Variants in AKT3 observed in about 807,000 individuals in gnomAD.
The protein encoded by AKT3 is AKT serine/threonine kinase 3.
In AKT3, 15 loss-of-function variants were observed where a neutral mutation model predicts 65.3. The observed-to-expected ratio is 0.23, with a 90% CI of 0.15 to 0.35. The LOEUF is 0.35. AKT3 is among the 10% of genes least tolerant of loss of function. AKT3 has a pLI of 1.00. For synonymous variants in AKT3, 206 were observed against 183.8 expected, an observed-to-expected ratio of 1.12 and a Z score of -0.98; for missense variants, 243 against 576.5, an observed-to-expected ratio of 0.42 and a Z score of 5.92.
At chr1:243,505,915 T>G (rs1366279716) in intron 13 of AKT3, among the ~76,000 whole-genome samples, 2 of 152,242 alleles carry the variant, frequency 1.3e-5, no homozygotes, top group Non-Finnish European at 2.9e-5. Context: ...TGTCAACATC[T>G]GAGTCCTAGC....
At chr1:243,652,888 C>T (rs567358842) in intron 4 of AKT3, among the ~76,000 whole-genome samples, 1 of 150,784 alleles carries the variant, frequency 6.6e-6, no homozygotes, top group South Asian at 2.1e-4. Context: ...GTAAAGGGAT[C>T]GATGCAACAA....
chr1:243,542,036 C>A (rs1672355357), intron 12 of AKT3, among the ~76,000 whole-genome samples: 1 of 152,088 alleles, frequency 6.6e-6, no homozygotes, highest in Admixed American at 6.5e-5. Context: ...AAATTAAAGA[C>A]CACCTAAATA....
intron 4 of AKT3, among the ~76,000 whole-genome samples, chr1:243,664,201 T>C (rs1682604132): frequency 7.6e-6 from 1 of 131,342 alleles, no homozygotes; most frequent in African/African-American, 2.9e-5. Context: ...TTTTTTTTTT[T>C]TTTTTTTTTT....
intron 1 of AKT3, among the ~76,000 whole-genome samples, chr1:243,846,770 T>A (rs1200035012): frequency 6.6e-6 from 1 of 152,190 alleles, no homozygotes; most frequent in African/African-American, 2.4e-5. Context: ...TTAACTGTAA[T>A]AATAGGTACA....
At chr1:243,816,961 C>T (rs1426449452) in intron 2 of AKT3, among the ~76,000 whole-genome samples, 3 of 152,084 alleles carry the variant, frequency 2.0e-5, no homozygotes, top group East Asian at 1.9e-4. Context: ...ACTTGTTGCA[C>T]GAGTAAAATG....
At chr1:243,647,196 CCA>C (rs1680886635) in intron 4 of AKT3, among the ~76,000 whole-genome samples, 1 of 152,202 alleles carries the variant, frequency 6.6e-6, no homozygotes, top group South Asian at 2.1e-4. Flanking sequence ...CAATCATGCA[CCA>C]CATAACAATG....
At chr1:243,511,845 T>C (rs1279436655) in intron 13 of AKT3, among the ~76,000 whole-genome samples, 2 of 152,226 alleles carry the variant, frequency 1.3e-5, no homozygotes, top group African/African-American at 4.8e-5. Flanking sequence ...GCAAACTAAA[T>C]TATGTCTTCA....
chr1:243,514,503 C>G (rs1367106179), intron 12 of AKT3, among the ~76,000 whole-genome samples: 1 of 152,118 alleles, frequency 6.6e-6, no homozygotes, highest in African/African-American at 2.4e-5. Flanking sequence ...CAAGACTTTG[C>G]GACATCTGAT....
At chr1:243,716,502 A>G (rs939548853) in intron 2 of AKT3, among the ~76,000 whole-genome samples, 4 of 152,192 alleles carry the variant, frequency 2.6e-5, no homozygotes, top group Non-Finnish European at 4.4e-5. Context: ...CTATTGATAC[A>G]CTAACAATGA....
intron 12 of AKT3, among the ~76,000 whole-genome samples, chr1:243,532,056 A>G (rs1671570806): frequency 6.6e-6 from 1 of 152,184 alleles, no homozygotes; most frequent in East Asian, 1.9e-4. Flanking sequence ...CATGTCACCT[A>G]TTAGTAGGGG....
intron 8 of AKT3, among the ~76,000 whole-genome samples, chr1:243,583,164 G>GTATATATATA (rs1383107055): frequency 7.2e-4 from 54 of 74,880 alleles, no homozygotes; most frequent in African/African-American, 2.2e-3. Context: ...CCATGTATAT[G>GTATATATATA]TGTGTGTATA....
At chr1:243,746,364 C>T (rs911937246) in intron 2 of AKT3, among the ~76,000 whole-genome samples, 3 of 152,124 alleles carry the variant, frequency 2.0e-5, no homozygotes, top group African/African-American at 7.2e-5. Context: ...ATGAGCTAAA[C>T]ATGCTTTATC....
Position 243,502,378 on chromosome 1 carries a change from T to C in AKT3, c.*2871A>G, listed in dbSNP as rs1377875470. The C allele has an allele frequency of 2.1e-5, 5 of 232,930 alleles. No homozygotes were observed. The highest frequency in any genetic ancestry group is 1.1e-4 in the Admixed American group (2 of 17,776). 14.4% of individuals were successfully genotyped at this position (232,930 alleles called of 1,614,324 possible). A position where few individuals can be genotyped will look rare whatever the true frequency, so the allele number is the denominator to read the frequency against. On this transcript the variant is annotated 3_prime_UTR_variant, in exon 14 of 14. Coordinates refer to ENST00000673466, the MANE Select transcript of AKT3 (RefSeq NM_005465.7). Reference sequence around the variant, plus strand: ...TACTTGAATAATGCTATGTAATTAGTGTAGAAAGCAAAGCTGAGCGCGACC... The same window carrying C: ...TACTTGAATAATGCTATGTAATTAGCGTAGAAAGCAAAGCTGAGCGCGACC...
chr1:243,798,412 T>TTG (rs1286475004), intron 2 of AKT3, among the ~76,000 whole-genome samples: 2 of 137,928 alleles, frequency 1.5e-5, no homozygotes, highest in Admixed American at 7.2e-5. Flanking sequence ...TTTTTTTTTT[T>TTG]TTTTTGTTTT....
intron 5 of AKT3, among the ~76,000 whole-genome samples, chr1:243,641,404 C>T (rs1041735265): frequency 2.7e-5 from 4 of 150,050 alleles, no homozygotes; most frequent in African/African-American, 7.5e-5. Flanking sequence ...ATTTTCATAA[C>T]CAGGCCAGAG....
chr1:243,594,196 G>C (rs1676440112), intron 8 of AKT3, among the ~76,000 whole-genome samples: 1 of 152,102 alleles, frequency 6.6e-6, no homozygotes, highest in Non-Finnish European at 1.5e-5. Flanking sequence ...AATAGGTAAA[G>C]AAAAATTGAA....
intron 5 of AKT3, among the ~76,000 whole-genome samples, chr1:243,639,310 G>T (rs890426831): frequency 6.6e-6 from 1 of 152,138 alleles, no homozygotes; most frequent in African/African-American, 2.4e-5. Context: ...ATTTAAACAA[G>T]AAATGACACC....
At chr1:243,821,079 A>G (rs1164071358) in intron 2 of AKT3, among the ~76,000 whole-genome samples, 1 of 152,180 alleles carries the variant, frequency 6.6e-6, no homozygotes, top group Non-Finnish European at 1.5e-5. Flanking sequence ...GACAAACAGC[A>G]GACTTCTCAG....
At chr1:243,592,271 C>G (rs1415220989) in intron 8 of AKT3, among the ~76,000 whole-genome samples, 11 of 151,590 alleles carry the variant, frequency 7.3e-5, no homozygotes, top group Non-Finnish European at 1.5e-4. Context: ...GGAGGCGGAG[C>G]TTGCAGTGAG....
Sources: gnomAD v4.1 joint callset for allele counts (sites outside exome capture counted in the v4.1 genomes callset) on GRCh38, gnomAD v4.1.1 for gene constraint, MANE v1.5 for transcripts, NCBI Gene and HGNC (gene_info 2026-07-23, HGNC 2026-07-21) for gene names.